Variants in CCNO observed in about 807,000 individuals in gnomAD.
CCNO encodes cyclin O, also known as cyclin-O.
Under a neutral mutation model 23.9 loss-of-function variants are expected in CCNO, and 24 were observed. That is an observed-to-expected ratio of 1.00 (90% CI 0.73 to 1.41). The LOEUF (loss-of-function observed/expected upper bound fraction) is 1.41. Among genes scored for constraint, CCNO ranks in the 40% most tolerant of loss-of-function variants. CCNO has a pLI of 0.00. For missense variants in CCNO, 542 were observed against 476.2 expected (o/e 1.14, Z -1.29); for synonymous variants, 241 against 225.7 (o/e 1.07, Z -0.61).
rs1232198406 is a variant in CCNO at position 55,231,754 on chromosome 5, T to C, written c.674A>G (p.His225Arg). The C allele has an allele frequency of 6.4e-7, 1 of 1,570,052 alleles. No homozygotes were observed. Among genetic ancestry groups the C allele is most frequent in the Non-Finnish European group, 8.6e-7 (1 of 1,158,338 alleles). ...NLECIVLHKL[H>R]FTLGAPTISF... ...AATGGTGGGCGCACCCAGGGTGAAG[T>C]GCAGCTTGTGCAGCACGATGCACTC... Residue 225 changes from histidine to arginine, a missense_variant, in exon 3 of 3, where the codon CAC (histidine) becomes CGC (arginine). By Grantham distance (29) the His-to-Arg change is conservative. Transcript: ENST00000282572.
chr5:55,233,053 G>A lies in CCNO; in HGVS notation c.381+90C>T, dbSNP rs1745640612. On this transcript the variant is annotated intron_variant, in intron 1 of 2. Transcript: ENST00000282572. ...CGGGACCTGGGCTGTCGCGGGCCCG[G>A]GCGCTCGGAGGGCCGAGCCGGCAGG... is the stretch of plus-strand genomic sequence containing the variant. 7 of 1,388,408 alleles carry A rather than the reference G, an allele frequency of 5.0e-6. No homozygotes were observed. The South Asian group carries it at 8.2e-5, about 16-fold the overall frequency. 86.0% of individuals were successfully genotyped at this position (1,388,408 alleles called of 1,614,324 possible). A position where few individuals can be genotyped will look rare whatever the true frequency, so the allele number is the denominator to read the frequency against.
rs1342315516 is a variant in CCNO at position 55,231,362 on chromosome 5, C to G, written c.*13G>C. 6.8e-6 allele frequency: 11 copies of G among 1,612,160 alleles called. No homozygotes were observed. The highest frequency in any genetic ancestry group is 1.1e-5 in the South Asian group (1 of 91,040). On this transcript the variant is annotated 3_prime_UTR_variant, in exon 3 of 3. Transcript: ENST00000282572. ...AGCCGGGCCAGGGACTAAAAGGAAA[C>G]GAAGGATCTGTTTTATTTCGAGCTC...
chr5:55,232,542 G>C lies in CCNO; in HGVS notation c.386C>G (p.Thr129Arg). The C allele has an allele frequency of 1.2e-6, 2 of 1,613,354 alleles. No homozygotes were observed. Among genetic ancestry groups the C allele is most frequent in the East Asian group, 2.2e-5 (1 of 44,874 alleles). The change falls in exon 2 of 3, where the codon ACG (threonine) becomes AGG (arginine). Residue 129 changes from threonine to arginine, a missense_variant. Physicochemically the swap from Thr to Arg is moderately conservative, Grantham distance 71. Transcript: ENST00000282572. ...GAGCAGCTTACAGCGGGATTCCGCC[G>C]TCACCTGCCGGGAAGGAGGGGGGAG... Reference protein sequence around the residue: ...REALARQPQVTAESRCKLLSW... With the variant: ...REALARQPQVRAESRCKLLSW...
chr5:55,232,986 C>G, intron 1 of CCNO, 157 bp downstream of exon 1: 1 of 737,768 alleles, frequency 1.4e-6, no homozygotes, highest in Non-Finnish European at 2.1e-6. Flanking sequence ...TAAAATGAGG[C>G]CGGTGACGCC....
In CCNO at chr5:55,231,653, G is replaced by A. The variant is rs1060503388; in HGVS notation, c.775C>T (p.Gln259Ter). The A allele has an allele frequency of 1.3e-6, 2 of 1,582,894 alleles. No homozygotes were observed. The highest frequency in any genetic ancestry group is 1.7e-6 in the Non-Finnish European group (2 of 1,164,930). ...QAEASEALEA[Q>*]ALARGVAELS... ...TCTGCCACCCCCCGCGCCAGGGCTT[G>A]CGCTTCCAGAGCTTCGGAGGCCTCA... The change falls in exon 3 of 3, where the codon CAA becomes TAA. Residue 259 changes from glutamine to a stop codon, truncating the protein, a stop_gained. Coordinates refer to ENST00000282572, the MANE Select transcript of CCNO (RefSeq NM_021147.5). LOFTEE classifies it high-confidence loss of function.
In CCNO at chr5:55,233,471, C is replaced by G. The variant is rs1286421258; in HGVS notation, c.53G>C (p.Arg18Thr). The G allele has an allele frequency of 1.2e-6, 2 of 1,601,432 alleles. No homozygotes were observed. The highest frequency in any genetic ancestry group is 1.7e-6 in the Non-Finnish European group (2 of 1,174,484). ...GCGAAGGTTCTGGTCGTTGTCCCGC[C>G]TCCCCGCTCGGGCGGCGGGGCTCGA... ...SPSSPAARAG[R>T]RDNDQNLRAP... The change falls in exon 1 of 3, where the codon AGG becomes ACG. Residue 18 changes from arginine (R) to threonine (T), a missense_variant. Coordinates refer to ENST00000282572, the MANE Select transcript of CCNO (RefSeq NM_021147.5).
At chr5:55,233,025 G>C in intron 1 of CCNO, 118 bp downstream of exon 1, 1 of 1,087,288 alleles carries the variant, frequency 9.2e-7, no homozygotes, top group Non-Finnish European at 1.3e-6. Context: ...CTTCGACTCG[G>C]GGCGGGACCT....
chr5:55,233,004 G>A, intron 1 of CCNO, 139 bp downstream of exon 1: 3 of 853,702 alleles, frequency 3.5e-6, no homozygotes, highest in East Asian at 5.5e-5. Context: ...GCCCCTCCAC[G>A]GCCCCTTGTG....
Position 55,232,413 on chromosome 5 carries a change from GCAGC to G in CCNO, c.511_514del (p.Ala171GlnfsTer26), listed in dbSNP as rs759515939. ...GACCCCAAGCAGCTGGAAGCAGTCTGCAGCCACCGGCGTGGTGGTGAGGAAGCGG... is the reference window on the plus strand; with the variant it reads ...GACCCCAAGCAGCTGGAAGCAGTCTGCACCGGCGTGGTGGTGAGGAAGCGG... On this transcript the variant is annotated frameshift_variant, in exon 2 of 3. Transcript: ENST00000282572. LOFTEE classifies it high-confidence loss of function. The G allele has an allele frequency of 3.7e-6, 6 of 1,614,002 alleles. No individual in the cohort carries two copies. The highest frequency in any genetic ancestry group is 5.1e-6 in the Non-Finnish European group (6 of 1,180,024).
At position 55,233,146 on chromosome 5, in the gene CCNO, T is replaced by C. The variant is rs984599847; in HGVS notation, c.378A>G (p.Pro126=). ...GCTGGCTCTACCAGCACCTCACTTGTGGCTGCCGTGCCAGCGCCTCCCGCG... is the reference window on the plus strand; with the variant it reads ...GCTGGCTCTACCAGCACCTCACTTGCGGCTGCCGTGCCAGCGCCTCCCGCG... The part of the protein sequence containing the change: ...FHPREALARQ[P]QVTAESRCKL... The change falls in exon 1 of 3, where the codon CCA becomes CCG. Residue 126 remains proline (P), a synonymous_variant. Transcript: ENST00000282572. The C allele has an allele frequency of 6.5e-7, 1 of 1,542,316 alleles. No individual in the cohort carries two copies. The highest frequency in any genetic ancestry group is 8.7e-7 in the Non-Finnish European group (1 of 1,146,448).
chr5:55,233,007 C>T, intron 1 of CCNO, 136 bp downstream of exon 1: 1 of 883,480 alleles, frequency 1.1e-6, no homozygotes, highest in Non-Finnish European at 1.7e-6. Context: ...CCTCCACGGC[C>T]CCTTGTGCTT....
rs1745646265 is a variant in CCNO at position 55,233,173 on chromosome 5, G to A, written c.351C>T (p.His117=). The change falls in exon 1 of 3, where the codon CAC becomes CAT. Residue 117 remains histidine, a synonymous_variant. Transcript: ENST00000282572. ...AFRKAQESHF[H]PREALARQPQ... ...GCTGCCGTGCCAGCGCCTCCCGCGG[G>A]TGGAAGTGGCTCTCCTGCGCCTTGC... 1 of 1,547,990 alleles carries A rather than the reference G, an allele frequency of 6.5e-7. No individual in the cohort carries two copies. Among genetic ancestry groups the A allele is most frequent in the South Asian group, 1.2e-5 (1 of 84,206 alleles).
rs773188175 is a variant in CCNO at position 55,232,551 on chromosome 5, C to A, written c.382-5G>T. The A allele has an allele frequency of 6.2e-7, 1 of 1,613,196 alleles. No individual in the cohort carries two copies. On this transcript the variant is annotated splice_polypyrimidine_tract_variant and splice_region_variant and intron_variant, in intron 1 of 2. Coordinates refer to ENST00000282572, the MANE Select transcript of CCNO (RefSeq NM_021147.5). ...ACAGCGGGATTCCGCCGTCACCTGC[C>A]GGGAAGGAGGGGGGAGGCGGGCCCG...
At position 55,232,551 on chromosome 5, in the gene CCNO, C is replaced by G. The variant is rs773188175; in HGVS notation, c.382-5G>C. ...ACAGCGGGATTCCGCCGTCACCTGCCGGGAAGGAGGGGGGAGGCGGGCCCG... is the reference window on the plus strand; with the variant it reads ...ACAGCGGGATTCCGCCGTCACCTGCGGGGAAGGAGGGGGGAGGCGGGCCCG... On this transcript the variant is annotated splice_polypyrimidine_tract_variant and splice_region_variant and intron_variant, in intron 1 of 2. Coordinates refer to ENST00000282572, the MANE Select transcript of CCNO (RefSeq NM_021147.5). 9 of 1,613,080 alleles carry G rather than the reference C, an allele frequency of 5.6e-6. No homozygotes were observed. The African/African-American group carries it at 6.7e-5, about 12-fold the overall frequency.
At chr5:55,232,308 G>C in intron 2 of CCNO, 53 bp downstream of exon 2, 1 of 1,466,142 alleles carries the variant, frequency 6.8e-7, no homozygotes, top group Non-Finnish European at 9.3e-7. Flanking sequence ...AGTGGCGGGG[G>C]AGTTTGGCTG....
rs1310013994 is a variant in CCNO, at chr5:55,233,205, C to A, written c.319G>T (p.Ala107Ser). The A allele has an allele frequency of 1.9e-6, 3 of 1,562,134 alleles. No homozygotes were observed. The highest frequency in any genetic ancestry group is 2.6e-6 in the Non-Finnish European group (3 of 1,154,962). Residue 107 changes from alanine (A) to serine (S), a missense_variant, in exon 1 of 3, where the codon GCC becomes TCC. By Grantham distance (99) the Ala-to-Ser change is moderately conservative (BLOSUM62 1). Coordinates refer to ENST00000282572, the MANE Select transcript of CCNO (RefSeq NM_021147.5). Reference sequence around the variant, plus strand: ...TGGCTCTCCTGCGCCTTGCGGAAGGCGTAGCAGCTCTGGCCGTAGTCGCGG... The same window carrying A: ...TGGCTCTCCTGCGCCTTGCGGAAGGAGTAGCAGCTCTGGCCGTAGTCGCGG... ...TFRDYGQSCY[A>S]FRKAQESHFH...
Position 55,232,473 on chromosome 5 carries a change from T to C in CCNO, c.455A>G (p.Glu152Gly), listed in dbSNP as rs1407743882. 1.9e-6 allele frequency: 3 copies of C among 1,613,866 alleles called. No individual in the cohort carries two copies. Among genetic ancestry groups the C allele is most frequent in the African/African-American group, 1.3e-5 (1 of 74,936 alleles). The change falls in exon 2 of 3, where the codon GAG becomes GGG. Residue 152 changes from glutamate to glycine, a missense_variant. Glu to Gly is a moderately conservative substitution (Grantham distance 98). Transcript: ENST00000282572. ...AGTGTTCACCGTCAGGCACAGCGAC[T>C]CGAAGGAGAGGCCGAATTGGCGGTG... ...PVHRQFGLSF[E>G]SLCLTVNTLD...
rs576286586 is a variant in CCNO at position 55,232,571 on chromosome 5, G to C, written c.382-25C>G. On this transcript the variant is annotated intron_variant, in intron 1 of 2. Transcript: ENST00000282572. ...CCTGCCGGGAAGGAGGGGGGAGGCG[G>C]GCCCGCTGGGCTTAGGGTGGAGAGG... is the stretch of plus-strand genomic sequence containing the variant. The C allele has an allele frequency of 2.2e-5, 35 of 1,611,444 alleles. No individual in the cohort carries two copies. In the Admixed American group the frequency reaches 5.8e-4, roughly 27 times the overall value.
Position 55,233,357 on chromosome 5 carries a change from C to G in CCNO, c.167G>C (p.Gly56Ala), listed in dbSNP as rs755291949. Reference protein sequence around the residue: ...LNPCPLPGDSGICDLFESPSS... With the variant: ...LNPCPLPGDSAICDLFESPSS... ...GGGGGACTCGAACAGGTCGCAAATG[C>G]CGGAGTCTCCCGGGAGCGGGCACGG... Residue 56 changes from glycine (G) to alanine (A), a missense_variant, in exon 1 of 3, where the codon GGC (glycine) becomes GCC (alanine). By Grantham distance (60) the Gly-to-Ala change is moderately conservative. Coordinates refer to ENST00000282572, the MANE Select transcript of CCNO (RefSeq NM_021147.5). The G allele has an allele frequency of 6.2e-7, 1 of 1,609,272 alleles. No individual in the cohort carries two copies. Among genetic ancestry groups the G allele is most frequent in the South Asian group, 1.1e-5 (1 of 90,634 alleles).
Sources: gnomAD v4.1 joint callset for allele counts on GRCh38, gnomAD v4.1.1 for gene constraint, MANE v1.5 for transcripts, NCBI Gene and HGNC (gene_info 2026-07-23, HGNC 2026-07-21) for gene names.